Variants in ENO4 observed in about 807,000 individuals in gnomAD.
ENO4 encodes 2-phospho-D-glycerate hydro-lyase.
ENO4 carries 53 observed loss-of-function variants against 63.2 expected under a neutral mutation model. The observed-to-expected ratio is 0.84, with a 90% CI of 0.67 to 1.05. The LOEUF is 1.05. ENO4 is among the 50% of genes least tolerant of loss of function. The pLI is 0.00. For synonymous variants in ENO4, 266 were observed against 283.8 expected (o/e 0.94, Z 0.63); for missense variants, 719 against 772.0 (o/e 0.93, Z 0.81).
At chr10:116,871,439 G>C in intron 9 of ENO4, 147 bp downstream of exon 9, 1 of 718,658 alleles carries the variant, frequency 1.4e-6, no homozygotes, top group Non-Finnish European at 2.1e-6. Flanking sequence ...CAAATATAAT[G>C]AGAAAACCAA....
At position 116,906,532 on chromosome 10, in the gene ENO4, A is replaced by C. The variant is rs559840506; in HGVS notation, c.1195-4967A>C. On this transcript the variant is annotated intron_variant, in intron 10 of 10. Transcript: ENST00000369207. The stretch of plus-strand genomic sequence containing the variant: ...CACATTAAAAACAAATATTTTAATA[A>C]TACTTTTTAAAAGATTGTTTCATGT... The C allele has an allele frequency of 2.8e-5, 35 of 1,264,786 alleles. No individual in the cohort carries two copies. The South Asian group carries it at 5.8e-4, about 21-fold the overall frequency. The allele number at this position is 1,264,786 out of a possible 1,614,324, so 78.3% of individuals were successfully genotyped here.
rs753905484 is a variant in ENO4 at position 116,871,114 on chromosome 10, T to C, written c.1048-11T>C. The stretch of plus-strand genomic sequence containing the variant: ...TGTATTGACATGGATCATTGTCTCT[T>C]GATCTTGCAGCAGCAGATCACTGGC... On this transcript the variant is annotated splice_polypyrimidine_tract_variant and intron_variant, in intron 8 of 13. Transcript: ENST00000341276. The C allele has an allele frequency of 5.2e-6, 8 of 1,549,956 alleles. No individual in the cohort carries two copies. The highest frequency in any genetic ancestry group is 4.8e-5 in the South Asian group (4 of 84,032).
intron 10 of ENO4, among the ~76,000 whole-genome samples, chr10:116,908,416 A>T (rs1473157348): frequency 2.6e-5 from 4 of 152,186 alleles, no homozygotes; most frequent in Admixed American, 1.3e-4. Flanking sequence ...TCACACCATA[A>T]GGTATGACCA....
chr10:116,855,541 T>C (rs1846237397), intron 1 of ENO4, 82 bp from the exon 2 acceptor site: 2 of 1,496,988 alleles, frequency 1.3e-6, no homozygotes, highest in South Asian at 1.2e-5. Flanking sequence ...CTTTTGAAGA[T>C]AAAGTAGATA....
At chr10:116,904,444 T>G (rs1456810366) in intron 10 of ENO4, among the ~76,000 whole-genome samples, 5 of 152,138 alleles carry the variant, frequency 3.3e-5, no homozygotes, top group Non-Finnish European at 5.9e-5. Flanking sequence ...TTCCTTTTTT[T>G]TTTTTCTTTT....
At chr10:116,886,458 G>A, downstream of ENO4, 1 of 1,613,698 alleles carries the variant, frequency 6.2e-7, no homozygotes, top group Non-Finnish European at 8.5e-7. Flanking sequence ...CAGCAACCTG[G>A]TCTTTGGTTT....
At position 116,849,609 on chromosome 10, in the gene ENO4, G is replaced by A; in HGVS notation, c.43G>A (p.Glu15Lys). 1.3e-6 allele frequency: 2 copies of A among 1,549,954 alleles called. No homozygotes were observed. Among genetic ancestry groups the A allele is most frequent in the South Asian group, 2.4e-5 (2 of 83,968 alleles). The change falls in exon 1 of 14, where the codon GAG becomes AAG. Residue 15 changes from glutamate (E) to lysine (K), a missense_variant. By Grantham distance (56) the Glu-to-Lys change is moderately conservative. Around this residue, in one of 3 missense-constraint regions of ENO4, gnomAD observed 544 missense variants for 583.6 expected, o/e 0.93. Coordinates refer to ENST00000341276, the MANE Select transcript of ENO4 (RefSeq NM_001242699.2). ...CGGCCGCAGCTGTGGGACCACTAGG[G>A]AGCTGCAGAAGCTGAAGCAGCAGGC... ...GGGRSCGTTR[E>K]LQKLKQQAME...
chr10:116,862,890 C>T, intron 7 of ENO4, 38 bp downstream of exon 7: 1 of 1,300,854 alleles, frequency 7.7e-7, no homozygotes, highest in Non-Finnish European at 1.1e-6. Context: ...GTTACTGACA[C>T]TTAGACACCT....
intron 10 of ENO4, among the ~76,000 whole-genome samples, chr10:116,893,609 C>T (rs192434694): frequency 6.9e-4 from 105 of 151,818 alleles, no homozygotes; most frequent in African/African-American, 2.2e-3. Flanking sequence ...AGAAAGAAAG[C>T]GGAGAAGCGG....
intron 10 of ENO4, among the ~76,000 whole-genome samples, chr10:116,898,110 C>A (rs981841563): frequency 1.3e-5 from 2 of 152,018 alleles, no homozygotes; most frequent in Admixed American, 6.6e-5. Flanking sequence ...GGTGGATCAC[C>A]TGAGGTCAGG....
downstream of ENO4, chr10:116,911,809 T>C (rs1420888236): frequency 3.7e-6 from 6 of 1,612,942 alleles, no homozygotes; most frequent in South Asian, 4.4e-5. Flanking sequence ...TTTTAGTTCA[T>C]CCACTGCACT....
chr10:116,887,110 G>A (rs1005376805), downstream of ENO4, among the ~76,000 whole-genome samples: 6 of 152,218 alleles, frequency 3.9e-5, no homozygotes, highest in Admixed American at 2.0e-4. Flanking sequence ...TCAGACTTCA[G>A]GAGGGGGTGG....
chr10:116,849,521 C>A lies in ENO4; in HGVS notation c.-46C>A. ...GTTGCCTAGCGACAGCAGGGACGCT[C>A]GTGGGACCCCAGGCTAAACCCCGCT... On this transcript the variant is annotated 5_prime_UTR_variant, in exon 1 of 14. Coordinates refer to ENST00000341276, the MANE Select transcript of ENO4 (RefSeq NM_001242699.2). 1.4e-6 allele frequency: 2 copies of A among 1,457,276 alleles called. No homozygotes were observed. The highest frequency in any genetic ancestry group is 2.9e-5 in the South Asian group (2 of 68,414). 90.3% of individuals were successfully genotyped at this position (1,457,276 alleles called of 1,614,324 possible). A position where few individuals can be genotyped will look rare whatever the true frequency, so the allele number is the denominator to read the frequency against.
intron 4 of ENO4, among the ~76,000 whole-genome samples, chr10:116,860,066 G>T (rs952774546): frequency 6.6e-6 from 1 of 152,252 alleles, no homozygotes; most frequent in Admixed American, 6.5e-5. Context: ...AAGGGAAGAA[G>T]TGGGAGGGCA....
intron 10 of ENO4, among the ~76,000 whole-genome samples, chr10:116,910,024 C>G (rs917964263): frequency 6.6e-6 from 1 of 152,072 alleles, no homozygotes; most frequent in African/African-American, 2.4e-5. Flanking sequence ...TTCAATAATC[C>G]TAACAGTCTG....
At chr10:116,904,929 C>T (rs112214599) in intron 10 of ENO4, among the ~76,000 whole-genome samples, 8,750 of 151,960 alleles carry the variant, frequency 0.058, 823 homozygotes, top group African/African-American at 0.19. Context: ...TGGCCGGGCG[C>T]GGTGGCTCAC....
At chr10:116,896,356 T>C (rs1847520117) in intron 10 of ENO4, among the ~76,000 whole-genome samples, 1 of 152,164 alleles carries the variant, frequency 6.6e-6, no homozygotes, top group African/African-American at 2.4e-5. Context: ...ATTAATTTCC[T>C]AGCTACTCAT....
rs1390759267 is a variant in ENO4, at chr10:116,855,646, A to G, written c.189A>G (p.Ala63=). 2 of 1,536,154 alleles carry G rather than the reference A, an allele frequency of 1.3e-6. No individual in the cohort carries two copies. ...AGGCAAACTGCTTTTCTAAACTTGC[A>G]AAGCCTCCCACCATATGCAAAATAG... The part of the protein sequence containing the change: ...GHLANCFSKL[A]KPPTICKIVG... The change falls in exon 2 of 14, where the codon GCA becomes GCG. Residue 63 remains alanine (A), a synonymous_variant. Coordinates refer to ENST00000341276, the MANE Select transcript of ENO4 (RefSeq NM_001242699.2).
intron 10 of ENO4, among the ~76,000 whole-genome samples, chr10:116,875,195 C>T (rs1289846260): frequency 6.6e-6 from 1 of 152,122 alleles, no homozygotes; most frequent in Non-Finnish European, 1.5e-5. Flanking sequence ...ATTTGGAGGA[C>T]GATATAAATG....
Sources: allele counts gnomAD v4.1 joint callset (sites outside exome capture counted in the v4.1 genomes callset), GRCh38; gene constraint gnomAD v4.1.1; regional missense constraint gnomAD v4.1.1; transcripts MANE v1.5; gene names NCBI Gene and HGNC (gene_info 2026-07-23, HGNC 2026-07-21).